Variants in IRAK1BP1 observed in about 807,000 individuals in gnomAD.
The protein encoded by IRAK1BP1 is interleukin 1 receptor associated kinase 1 binding protein 1.
In IRAK1BP1, 24 loss-of-function variants were observed where a neutral mutation model predicts 28.0. That is an observed-to-expected ratio of 0.86 (90% CI 0.62 to 1.20). The LOEUF is 1.20. IRAK1BP1 is among the 50% of genes most tolerant of loss of function. The probability of loss-of-function intolerance (pLI) is 0.00; values close to 1 mark genes in which losing one functional copy is unlikely to be tolerated. For missense variants in IRAK1BP1, 336 were observed against 316.7 expected (o/e 1.06, Z -0.46); for synonymous variants, 131 against 116.3 (o/e 1.13, Z -0.81).
chr6:78,876,653 C>T (rs1050856582), intron 1 of IRAK1BP1, among the ~76,000 whole-genome samples: 3 of 152,110 alleles, frequency 2.0e-5, no homozygotes, highest in Non-Finnish European at 4.4e-5. Flanking sequence ...CTGGCCCCTA[C>T]CCATGGGGTG....
chr6:78,878,091 G>A (rs1771078638), intron 1 of IRAK1BP1, among the ~76,000 whole-genome samples: 1 of 152,162 alleles, frequency 6.6e-6, no homozygotes, highest in Non-Finnish European at 1.5e-5. Context: ...ACAAAAGGCA[G>A]CAGAAACTTC....
intron 4 of IRAK1BP1, chr6:78,937,049 T>C (rs1773297546): frequency 1.3e-5 from 2 of 151,800 alleles, no homozygotes; most frequent in Admixed American, 6.6e-5. Flanking sequence ...AATCAGATGA[T>C]AAAACTACTT....
At chr6:78,881,945 C>T (rs2127643687) in intron 1 of IRAK1BP1, among the ~76,000 whole-genome samples, 1 of 152,038 alleles carries the variant, frequency 6.6e-6, no homozygotes, top group South Asian at 2.1e-4. Flanking sequence ...CTCATGTTTA[C>T]CTTTGTATAT....
intron 2 of IRAK1BP1, among the ~76,000 whole-genome samples, chr6:78,887,548 C>T (rs1771472492): frequency 6.6e-6 from 1 of 152,036 alleles, no homozygotes. Flanking sequence ...CGCCTGTAAT[C>T]ACAGCTACTC....
At chr6:78,887,678 A>AC (rs1771479357) in intron 2 of IRAK1BP1, among the ~76,000 whole-genome samples, 1 of 152,024 alleles carries the variant, frequency 6.6e-6, no homozygotes, top group East Asian at 1.9e-4. Context: ...ACACACACAC[A>AC]AAAACAACAA....
At chr6:78,872,110 A>C in intron 1 of IRAK1BP1, 1 of 701,218 alleles carries the variant, frequency 1.4e-6, no homozygotes, top group South Asian at 1.5e-5. Flanking sequence ...CAGCATCTTC[A>C]CCCCTTGGGG....
At chr6:78,937,360 G>A (rs1773313153) in intron 4 of IRAK1BP1, 1 of 151,652 alleles carries the variant, frequency 6.6e-6, no homozygotes, top group African/African-American at 2.4e-5. Context: ...ACATGTAAAT[G>A]CTGCTAACAT....
intron 4 of IRAK1BP1, among the ~76,000 whole-genome samples, chr6:78,929,926 G>C (rs956645432): frequency 1.6e-5 from 1 of 64,106 alleles, no homozygotes; most frequent in African/African-American, 6.0e-5. Flanking sequence ...TCATAATTCT[G>C]ACACAGTTTT....
chr6:78,883,828 C>T (rs1771315899), intron 1 of IRAK1BP1, among the ~76,000 whole-genome samples: 1 of 152,106 alleles, frequency 6.6e-6, no homozygotes, highest in South Asian at 2.1e-4. Flanking sequence ...CCCACCTGGG[C>T]ATGTGAATCA....
Position 78,899,233 on chromosome 6 carries a change from A to C in IRAK1BP1, c.*899A>C, listed in dbSNP as rs1375473784. On this transcript the variant is annotated 3_prime_UTR_variant, in exon 4 of 4. Transcript: ENST00000369940. Reference sequence around the variant, plus strand: ...CAATACTGAGAAATGGCCCAGGTAAAGAACAGCCAAGGTCTTTCATGCTTG... The same window carrying C: ...CAATACTGAGAAATGGCCCAGGTAACGAACAGCCAAGGTCTTTCATGCTTG... 1.3e-5 allele frequency: 2 copies of C among 152,198 alleles called. No individual in the cohort carries two copies. The highest frequency in any genetic ancestry group is 3.8e-4 in the East Asian group (2 of 5,200). The allele number at this position is 152,198 out of a possible 1,614,324, so 9.4% of individuals were successfully genotyped here. A position where few individuals can be genotyped will look rare whatever the true frequency, so the allele number is the denominator to read the frequency against.
chr6:78,924,430 C>A (rs1224074610), intron 4 of IRAK1BP1, among the ~76,000 whole-genome samples: 3 of 152,032 alleles, frequency 2.0e-5, no homozygotes, highest in Admixed American at 6.6e-5. Context: ...AATTAATAGC[C>A]TACCAAACAA....
Position 78,867,655 on chromosome 6 carries a change from C to G in IRAK1BP1, c.79C>G (p.Leu27Val), listed in dbSNP as rs779511924. The change falls in exon 1 of 4, where the codon CTG becomes GTG. Residue 27 changes from leucine (L) to valine (V), a missense_variant. By Grantham distance (32) the Leu-to-Val change is conservative (BLOSUM62 1). Transcript: ENST00000369940. ...PWADRSRENN[L>V]ASGRETLPGL... ...GGCTGACCGGAGCCGGGAGAACAAC[C>G]TGGCCTCAGGGAGAGAGACGCTACC... 6.2e-7 allele frequency: 1 copy of G among 1,614,266 alleles called. No individual in the cohort carries two copies.
intron 4 of IRAK1BP1, among the ~76,000 whole-genome samples, chr6:78,918,870 G>A (rs770311945): frequency 2.0e-5 from 3 of 152,174 alleles, no homozygotes; most frequent in Non-Finnish European, 2.9e-5. Flanking sequence ...AGGCACTACA[G>A]AATACTCCAG....
intron 1 of IRAK1BP1, among the ~76,000 whole-genome samples, chr6:78,869,034 G>A (rs887734849): frequency 6.6e-6 from 1 of 152,124 alleles, no homozygotes; most frequent in African/African-American, 2.4e-5. Context: ...AAGTCATTTG[G>A]ACAAGATTTC....
the IRAK1BP1 span, chr6:78,955,625 C>T: frequency 1.9e-6 from 2 of 1,029,434 alleles, no homozygotes; most frequent in South Asian, 1.4e-5. Context: ...CAGAATCAGA[C>T]AAAACTTTCT....
At chr6:78,951,219 T>G (rs2127687134), downstream of IRAK1BP1, among the ~76,000 whole-genome samples, 1 of 152,322 alleles carries the variant, frequency 6.6e-6, no homozygotes, top group East Asian at 1.9e-4. Flanking sequence ...TTTTGCAATA[T>G]TTTGGTTAAT....
chr6:78,879,879 G>A (rs1436320201), intron 1 of IRAK1BP1, among the ~76,000 whole-genome samples: 1 of 152,232 alleles, frequency 6.6e-6, no homozygotes, highest in African/African-American at 2.4e-5. Flanking sequence ...ATATAGTAGT[G>A]AGGTTGGTCA....
At chr6:78,966,472 A>T in the IRAK1BP1 span, among the ~76,000 whole-genome samples, 1 of 152,148 alleles carries the variant, frequency 6.6e-6, no homozygotes, top group Non-Finnish European at 1.5e-5. Context: ...CCCAACCAAC[A>T]ATCAATCAAG....
intron 2 of IRAK1BP1, among the ~76,000 whole-genome samples, chr6:78,894,124 A>C (rs1476360755): frequency 1.3e-5 from 2 of 152,216 alleles, no homozygotes; most frequent in African/African-American, 4.8e-5. Flanking sequence ...AAACACTAAA[A>C]TAATGGAGTT....
Sources: allele counts gnomAD v4.1 joint callset (sites outside exome capture counted in the v4.1 genomes callset), GRCh38; gene constraint gnomAD v4.1.1; transcripts MANE v1.5; gene names NCBI Gene and HGNC (gene_info 2026-07-23, HGNC 2026-07-21).